The following GRID2 variants were observed in gnomAD, a reference collection of about 807,000 sequenced individuals.
GRID2 encodes the protein glutamate ionotropic receptor delta type subunit 2.
Under a neutral mutation model 114.8 loss-of-function variants are expected in GRID2, and 33 were observed. That is an observed-to-expected ratio of 0.29 (90% CI 0.22 to 0.38). The LOEUF is 0.38. GRID2 is among the 10% of genes least tolerant of loss of function. GRID2 has a pLI of 1.00. For synonymous variants in GRID2, 505 were observed against 449.9 expected, an observed-to-expected ratio of 1.12 and a Z score of -1.55; for missense variants, 1,184 against 1,257.7, an observed-to-expected ratio of 0.94 and a Z score of 0.89.
At chr4:92,457,285 C>T (rs1269274320) in intron 1 of GRID2, among the ~76,000 whole-genome samples, 2 of 152,044 alleles carry the variant, frequency 1.3e-5, no homozygotes, top group South Asian at 2.1e-4. Flanking sequence ...TCCTGTGATA[C>T]ATTAGTTATG....
intron 14 of GRID2, among the ~76,000 whole-genome samples, chr4:93,737,771 C>A (rs1439548): frequency 0.48 from 72,929 of 151,758 alleles, 18,039 homozygotes; most frequent in East Asian, 0.72. Flanking sequence ...CATTGAAATC[C>A]TATATACAGA....
At chr4:92,357,649 A>G (rs1169046007) in intron 1 of GRID2, among the ~76,000 whole-genome samples, 2 of 151,904 alleles carry the variant, frequency 1.3e-5, no homozygotes, top group Admixed American at 1.3e-4. Context: ...GTATGATGAC[A>G]TGAACAGTTA....
intron 4 of GRID2, among the ~76,000 whole-genome samples, chr4:93,150,074 C>G (rs752923273): frequency 6.6e-6 from 1 of 152,096 alleles, no homozygotes; most frequent in Non-Finnish European, 1.5e-5. Context: ...AAGAAAGTTT[C>G]AATTCAGTGC....
intron 8 of GRID2, among the ~76,000 whole-genome samples, chr4:93,352,020 A>G (rs927448224): frequency 2.6e-5 from 4 of 151,942 alleles, no homozygotes; most frequent in African/African-American, 9.7e-5. Flanking sequence ...TTATATAGAT[A>G]CTCTTATCAT....
intron 2 of GRID2, among the ~76,000 whole-genome samples, chr4:92,731,931 A>C (rs892664278): frequency 6.6e-6 from 1 of 151,976 alleles, no homozygotes; most frequent in South Asian, 2.1e-4. Flanking sequence ...GTGGAATTGC[A>C]TTTTTTAAAT....
intron 2 of GRID2, among the ~76,000 whole-genome samples, chr4:92,743,005 A>G (rs1736968632): frequency 6.6e-6 from 1 of 152,206 alleles, no homozygotes; most frequent in South Asian, 2.1e-4. Flanking sequence ...GGCCAGGAGC[A>G]GTGGCTCATG....
chr4:92,629,474 C>T (rs1730684361), intron 2 of GRID2, among the ~76,000 whole-genome samples: 1 of 152,020 alleles, frequency 6.6e-6, no homozygotes, highest in Admixed American at 6.6e-5. Context: ...CCTAGGTATT[C>T]AATTAAGCAC....
At chr4:93,017,850 A>G (rs1221524711) in intron 2 of GRID2, among the ~76,000 whole-genome samples, 11 of 150,310 alleles carry the variant, frequency 7.3e-5, no homozygotes, top group Non-Finnish European at 1.6e-4. Flanking sequence ...TAAATTGCAA[A>G]TAATATGTGC....
intron 13 of GRID2, among the ~76,000 whole-genome samples, chr4:93,520,060 G>A (rs777040724): frequency 6.6e-6 from 1 of 152,256 alleles, no homozygotes; most frequent in African/African-American, 2.4e-5. Flanking sequence ...GACTGAGGAA[G>A]GAAGACAAAT....
chr4:92,366,971 C>A (rs1298051378), intron 1 of GRID2, among the ~76,000 whole-genome samples: 1 of 151,970 alleles, frequency 6.6e-6, no homozygotes, highest in Non-Finnish European at 1.5e-5. Context: ...CATGGGGATT[C>A]ATTTTGTTGT....
intron 13 of GRID2, among the ~76,000 whole-genome samples, chr4:93,553,221 G>A (rs893353836): frequency 2.0e-5 from 3 of 152,120 alleles, no homozygotes; most frequent in Admixed American, 2.0e-4. Context: ...GTGGACAGTG[G>A]TTGAACGAAT....
At chr4:93,444,993 A>G (rs1238049881) in intron 10 of GRID2, among the ~76,000 whole-genome samples, 1 of 152,030 alleles carries the variant, frequency 6.6e-6, no homozygotes, top group African/African-American at 2.4e-5. Context: ...CCAGATACAG[A>G]CTTCCCACAA....
In GRID2 at chr4:93,677,586, C is replaced by G. The variant is rs964130091; in HGVS notation, c.2360+51151C>G. ...CGGGCACTCCTCTGAGACAAAACTT[C>G]CAGAGGAACCATCAGACAGCAGCAT... On this transcript the variant is annotated intron_variant, in intron 14 of 15. Coordinates refer to ENST00000282020, the MANE Select transcript of GRID2 (RefSeq NM_001510.4). 2.0e-5 allele frequency among the ~76,000 whole-genome samples: 3 copies of G among 152,102 alleles called. No homozygotes were observed. In the East Asian group the frequency reaches 5.8e-4, roughly 29 times the overall value.
chr4:93,791,760 C>T (rs753530101), intron 1 of GRID2, among the ~76,000 whole-genome samples: 1 of 152,144 alleles, frequency 6.6e-6, no homozygotes, highest in Non-Finnish European at 1.5e-5. Flanking sequence ...CAGACTGACT[C>T]CCTGCTGTCT....
At chr4:92,881,254 T>C (rs1188078517) in intron 2 of GRID2, among the ~76,000 whole-genome samples, 1 of 152,156 alleles carries the variant, frequency 6.6e-6, no homozygotes, top group African/African-American at 2.4e-5. Flanking sequence ...CAATTCAATG[T>C]TATAGTTCTC....
At chr4:92,330,588 A>T (rs1726831271) in intron 1 of GRID2, among the ~76,000 whole-genome samples, 2 of 152,202 alleles carry the variant, frequency 1.3e-5, no homozygotes, top group Admixed American at 1.3e-4. Flanking sequence ...AGAGACAATA[A>T]TTGGAAACGT....
chr4:92,961,460 G>C (rs1254386704), intron 2 of GRID2, among the ~76,000 whole-genome samples: 5 of 150,696 alleles, frequency 3.3e-5, no homozygotes, highest in Non-Finnish European at 7.4e-5. Context: ...CAGAATTTTA[G>C]GTTGATGATA....
intron 1 of GRID2, among the ~76,000 whole-genome samples, chr4:92,567,833 C>T (rs1453109903): frequency 6.6e-6 from 1 of 151,828 alleles, no homozygotes; most frequent in East Asian, 1.9e-4. Flanking sequence ...TACTACTTAC[C>T]TAATATGCGA....
At chr4:92,826,605 A>G (rs1469093249) in intron 2 of GRID2, among the ~76,000 whole-genome samples, 1 of 152,134 alleles carries the variant, frequency 6.6e-6, no homozygotes, top group East Asian at 1.9e-4. Flanking sequence ...CTCTTGATAG[A>G]TATTTGTCAA....
Sources: allele counts gnomAD v4.1 joint callset (sites outside exome capture counted in the v4.1 genomes callset), GRCh38; gene constraint gnomAD v4.1.1; transcripts MANE v1.5; gene names NCBI Gene and HGNC (gene_info 2026-07-23, HGNC 2026-07-21).